Variants in QTMAN observed in about 807,000 individuals in gnomAD.
QTMAN encodes tRNA-queuosine alpha-mannosyltransferase.
At chr2:144,129,137 G>C in the QTMAN span, among the ~76,000 whole-genome samples, 1 of 151,868 alleles carries the variant, frequency 6.6e-6, no homozygotes, top group East Asian at 1.9e-4. Flanking sequence ...ATGAAATATA[G>C]TAGCTTTGAA....
At chr2:144,293,226 T>G in the QTMAN span, among the ~76,000 whole-genome samples, 3 of 152,074 alleles carry the variant, frequency 2.0e-5, no homozygotes, top group Non-Finnish European at 4.4e-5. Context: ...AGAAAAACCA[T>G]AGAGATGCAT....
the QTMAN span, among the ~76,000 whole-genome samples, chr2:144,176,024 A>C: frequency 6.6e-6 from 1 of 152,178 alleles, no homozygotes; most frequent in African/African-American, 2.4e-5. Context: ...GAGAACTTCA[A>C]TATTATTTTA....
chr2:143,972,915 T>C, the QTMAN span, among the ~76,000 whole-genome samples: 1 of 152,170 alleles, frequency 6.6e-6, no homozygotes. Context: ...CTGAAACAAC[T>C]GATGAGAGTT....
At chr2:143,997,525 T>C in the QTMAN span, among the ~76,000 whole-genome samples, 5 of 152,246 alleles carry the variant, frequency 3.3e-5, no homozygotes, top group Non-Finnish European at 1.5e-5. Context: ...AGGTGAGGTA[T>C]TAGCAAAGCT....
chr2:144,259,490 T>C, the QTMAN span, among the ~76,000 whole-genome samples: 2 of 152,166 alleles, frequency 1.3e-5, no homozygotes, highest in Admixed American at 1.3e-4. Context: ...CAACTGGATT[T>C]ATTACTTCCA....
chr2:144,215,295 C>T, the QTMAN span, among the ~76,000 whole-genome samples: 104 of 148,786 alleles, frequency 7.0e-4, no homozygotes, highest in African/African-American at 2.3e-3. Context: ...CACACACACA[C>T]ACATATATAT....
the QTMAN span, among the ~76,000 whole-genome samples, chr2:144,328,454 T>C: frequency 1.6e-4 from 24 of 152,182 alleles, no homozygotes; most frequent in Non-Finnish European, 2.9e-4. Flanking sequence ...AAACTCCTTA[T>C]GAGAAAAGTG....
the QTMAN span, among the ~76,000 whole-genome samples, chr2:144,171,768 AAAAT>A: frequency 6.6e-6 from 1 of 152,156 alleles, no homozygotes; most frequent in African/African-American, 2.4e-5. Context: ...ATCCAGGACT[AAAAT>A]AAATAAAATA....
chr2:144,095,468 T>C, the QTMAN span, among the ~76,000 whole-genome samples: 59 of 152,242 alleles, frequency 3.9e-4, no homozygotes, highest in African/African-American at 1.4e-3. Flanking sequence ...TAAACAATAA[T>C]AAAGTTAAAC....
chr2:143,977,186 A>G, the QTMAN span, among the ~76,000 whole-genome samples: 1 of 152,164 alleles, frequency 6.6e-6, no homozygotes, highest in African/African-American at 2.4e-5. Context: ...CAAGATGGTA[A>G]GATGTTTTAT....
the QTMAN span, among the ~76,000 whole-genome samples, chr2:144,168,322 C>T: frequency 1.3e-5 from 2 of 152,206 alleles, no homozygotes; most frequent in African/African-American, 4.8e-5. Context: ...TTTTATAAAA[C>T]AACACCATCT....
the QTMAN span, among the ~76,000 whole-genome samples, chr2:144,170,304 G>A: frequency 3.9e-5 from 6 of 152,284 alleles, no homozygotes; most frequent in Non-Finnish European, 8.8e-5. Context: ...CTGCCACAGT[G>A]TCCTGGATGC....
At chr2:144,228,958 A>G in the QTMAN span, among the ~76,000 whole-genome samples, 1 of 150,918 alleles carries the variant, frequency 6.6e-6, no homozygotes, top group Non-Finnish European at 1.5e-5. Flanking sequence ...ACTCCATCCA[A>G]AAAAAAAAGA....
the QTMAN span, among the ~76,000 whole-genome samples, chr2:144,329,943 G>A: frequency 7.9e-5 from 12 of 152,296 alleles, 1 homozygote; most frequent in South Asian, 1.9e-3. Flanking sequence ...TTCACGAAGC[G>A]CCTACCAGGA....
the QTMAN span, among the ~76,000 whole-genome samples, chr2:144,200,068 CA>C: frequency 1.3e-5 from 2 of 152,074 alleles, no homozygotes; most frequent in African/African-American, 4.8e-5. Context: ...GTTAAAGATT[CA>C]TTTTTGTGGG....
chr2:143,946,792 A>T, the QTMAN span: 11 of 471,486 alleles, frequency 2.3e-5, no homozygotes, highest in Non-Finnish European at 4.1e-5. Flanking sequence ...AGTCTCCTAC[A>T]TGTGATGCCG....
chr2:144,022,022 T>C, the QTMAN span, among the ~76,000 whole-genome samples: 1 of 151,020 alleles, frequency 6.6e-6, no homozygotes, highest in African/African-American at 2.5e-5. Flanking sequence ...CTGAGGAAGG[T>C]ATGGGGCAGG....
the QTMAN span, among the ~76,000 whole-genome samples, chr2:143,977,888 C>G: frequency 6.6e-6 from 1 of 152,134 alleles, no homozygotes; most frequent in Non-Finnish European, 1.5e-5. Flanking sequence ...ACTCTAAGAT[C>G]TTCCATTTTG....
the QTMAN span, among the ~76,000 whole-genome samples, chr2:144,133,673 A>G: frequency 6.8e-6 from 1 of 147,318 alleles, no homozygotes; most frequent in South Asian, 2.1e-4. Flanking sequence ...ACACAGCATG[A>G]AAGATTTATA....
Sources: allele counts gnomAD v4.1 joint callset (sites outside exome capture counted in the v4.1 genomes callset), GRCh38; gene constraint gnomAD v4.1.1; transcripts MANE v1.5; gene names NCBI Gene and HGNC (gene_info 2026-07-23, HGNC 2026-07-21).